The following UNC13B variants were observed in gnomAD, a reference collection of about 807,000 sequenced individuals.
UNC13B encodes the protein protein unc-13 homolog B.
In UNC13B, 144 loss-of-function variants were observed where a neutral mutation model predicts 211.0. The ratio of observed to expected loss-of-function variants is 0.68; its 90% CI spans 0.60 to 0.78. The LOEUF (loss-of-function observed/expected upper bound fraction) is 0.78. UNC13B is among the 30% of genes least tolerant of loss of function. The pLI, the probability that UNC13B is intolerant of heterozygous loss-of-function variation, is 0.00. For missense variants in UNC13B, 1,777 were observed against 2,002.0 expected, an observed-to-expected ratio of 0.89 and a Z score of 2.14; for synonymous variants, 709 against 725.8, an observed-to-expected ratio of 0.98 and a Z score of 0.37.
At chr9:35,308,743 A>G (rs879872321) in intron 9 of UNC13B, among the ~76,000 whole-genome samples, 2 of 152,204 alleles carry the variant, frequency 1.3e-5, no homozygotes, top group Non-Finnish European at 2.9e-5. Context: ...AAGAGGTAGT[A>G]AGTAGTTGGT....
chr9:35,383,123 A>AG (rs1834970899), intron 21 of UNC13B, among the ~76,000 whole-genome samples: 2 of 152,212 alleles, frequency 1.3e-5, no homozygotes, highest in South Asian at 4.1e-4. Flanking sequence ...CAGGTCCACA[A>AG]ATGGATTTTT....
chr9:35,403,198 C>A lies in UNC13B; in HGVS notation c.12516C>A (p.Val4172=). 1 of 1,614,170 alleles carries A rather than the reference C, an allele frequency of 6.2e-7. No individual in the cohort carries two copies. Among genetic ancestry groups the A allele is most frequent in the Non-Finnish European group, 8.5e-7 (1 of 1,180,000 alleles). ...GTGTGGACGATCCTGTGGGAGAAGT[C>A]TCTATTCAGGTGGACTTGTTTACAC... ...GSGVDDPVGE[V]SIQVDLFTHP... is the part of the protein sequence containing the mutation. The change falls in exon 38 of 40, where the codon GTC becomes GTA. Residue 4172 remains valine, a synonymous_variant. Transcript: ENST00000635942.
At chr9:35,292,296 C>T (rs992569002) in intron 7 of UNC13B, among the ~76,000 whole-genome samples, 1 of 152,066 alleles carries the variant, frequency 6.6e-6, no homozygotes, top group Non-Finnish European at 1.5e-5. Flanking sequence ...TTTGTTTGCC[C>T]CAGGTTAGAT....
intron 7 of UNC13B, among the ~76,000 whole-genome samples, chr9:35,270,600 C>T (rs1444194977): frequency 6.6e-6 from 1 of 151,638 alleles, no homozygotes; most frequent in Non-Finnish European, 1.5e-5. Flanking sequence ...TTTTTTTAAC[C>T]TTAGAATATA....
chr9:35,259,703 C>T (rs1269088138), intron 7 of UNC13B, among the ~76,000 whole-genome samples: 4 of 142,058 alleles, frequency 2.8e-5, no homozygotes, highest in Admixed American at 2.4e-4. Flanking sequence ...TCCCTCAAAA[C>T]AGCTTGAGAC....
At position 35,308,362 on chromosome 9, in the gene UNC13B, A is replaced by G. The variant is rs1449615875; in HGVS notation, c.8958A>G (p.Val2986=). 1.0e-5 allele frequency: 4 copies of G among 398,980 alleles called. No individual in the cohort carries two copies. The highest frequency in any genetic ancestry group is 1.8e-5 in the Non-Finnish European group (4 of 226,100). The allele number at this position is 398,980 out of a possible 1,614,324, so 24.7% of individuals were successfully genotyped here. The part of the protein sequence containing the change: ...VPASTDSDLN[V]QQPVTLNDIK... ...CCAGTACTGACTCTGATTTGAATGT[A>G]CAGCAGCCAGTCACTCTGAATGACA... Residue 2986 remains valine (V), a synonymous_variant, in exon 9 of 40, where the codon GTA becomes GTG. Transcript: ENST00000635942.
chr9:35,265,212 T>G (rs1234601470), intron 7 of UNC13B, among the ~76,000 whole-genome samples: 3 of 152,170 alleles, frequency 2.0e-5, no homozygotes, highest in Admixed American at 2.0e-4. Context: ...GTCCCCAGTT[T>G]GACTGTATTT....
chr9:35,192,790 T>A (rs571909364), intron 1 of UNC13B, among the ~76,000 whole-genome samples: 7 of 151,994 alleles, frequency 4.6e-5, no homozygotes, highest in African/African-American at 1.7e-4. Flanking sequence ...GTCAAAGGAG[T>A]CCTTGTGCTT....
chr9:35,293,362 G>C (rs190683082), intron 7 of UNC13B, among the ~76,000 whole-genome samples: 2 of 152,342 alleles, frequency 1.3e-5, no homozygotes, highest in Non-Finnish European at 2.9e-5. Context: ...GATTTGGGTT[G>C]TGGGCTTCTA....
At chr9:35,240,681 A>G (rs922309333) in intron 5 of UNC13B, among the ~76,000 whole-genome samples, 1 of 151,972 alleles carries the variant, frequency 6.6e-6, no homozygotes, top group Non-Finnish European at 1.5e-5. Context: ...TTACTTTTTG[A>G]CTGATTTCAC....
rs564241285 is a variant in UNC13B at position 35,367,736 on chromosome 9, G to T, written c.9461+743G>T. On this transcript the variant is annotated intron_variant, in intron 12 of 39. Coordinates refer to ENST00000635942, the MANE Select transcript of UNC13B (RefSeq NM_001371189.2). ...TAAGTAACACCCCTTTCTGAGCTCTGTATGTTCTGTCCGTGCTTCTTGTTT... is the reference window on the plus strand; with the variant it reads ...TAAGTAACACCCCTTTCTGAGCTCTTTATGTTCTGTCCGTGCTTCTTGTTT... Among the ~76,000 whole-genome samples the T allele has an allele frequency of 2.9e-4, 44 of 152,202 alleles. 1 individual carries two copies. The highest frequency in any genetic ancestry group is 1.4e-3 in the East Asian group (7 of 5,178).
At chr9:35,394,443 A>G (rs1835744169) in intron 26 of UNC13B, among the ~76,000 whole-genome samples, 1 of 152,144 alleles carries the variant, frequency 6.6e-6, no homozygotes, top group African/African-American at 2.4e-5. Context: ...TAAAAATACA[A>G]ACATTAGCCA....
intron 7 of UNC13B, among the ~76,000 whole-genome samples, chr9:35,294,657 A>G (rs1564118048): frequency 6.6e-6 from 1 of 152,332 alleles, no homozygotes; most frequent in East Asian, 1.9e-4. Flanking sequence ...TGCTAAAAGT[A>G]TCTCCATTTT....
At chr9:35,188,313 C>A (rs139328811) in intron 1 of UNC13B, among the ~76,000 whole-genome samples, 18 of 152,184 alleles carry the variant, frequency 1.2e-4, no homozygotes, top group African/African-American at 4.1e-4. Flanking sequence ...CAATTGTCTG[C>A]GAATGACAAA....
rs542020326 is a variant in UNC13B at position 35,282,815 on chromosome 9, AAT to A, written c.527-12880_527-12879del. On this transcript the variant is annotated intron_variant, in intron 7 of 39. Coordinates refer to ENST00000635942, the MANE Select transcript of UNC13B (RefSeq NM_001371189.2). ...TTCCTTACAATTTGTTTATTGAAGA[AAT>A]CAGGCCATTTGACTATATGGTTTTG... Among the ~76,000 whole-genome samples, 331 of 152,266 alleles carry A rather than the reference AAT, an allele frequency of 2.2e-3. 2 individuals are homozygous for A. The highest frequency in any genetic ancestry group is 7.6e-3 in the African/African-American group (314 of 41,552).
At chr9:35,184,969 A>C (rs571907976) in intron 1 of UNC13B, among the ~76,000 whole-genome samples, 6 of 152,260 alleles carry the variant, frequency 3.9e-5, no homozygotes, top group Admixed American at 3.3e-4. Context: ...AAAACAATAA[A>C]ATATTTTTTC....
intron 3 of UNC13B, among the ~76,000 whole-genome samples, chr9:35,235,481 G>A (rs1360936515): frequency 6.6e-6 from 1 of 151,640 alleles, no homozygotes; most frequent in African/African-American, 2.4e-5. Context: ...ATGGAGTCTG[G>A]CTCTGTCACT....
At chr9:35,226,077 T>C (rs1824823993) in intron 1 of UNC13B, among the ~76,000 whole-genome samples, 1 of 152,188 alleles carries the variant, frequency 6.6e-6, no homozygotes, top group Admixed American at 6.5e-5. Context: ...CTGCATACTG[T>C]AGAATGTTTA....
At chr9:35,367,876 C>T (rs900750014) in intron 12 of UNC13B, among the ~76,000 whole-genome samples, 2 of 152,200 alleles carry the variant, frequency 1.3e-5, no homozygotes, top group East Asian at 1.9e-4. Context: ...ATTCCCCACT[C>T]CTTCCCACAA....
Sources: allele counts gnomAD v4.1 joint callset (sites outside exome capture counted in the v4.1 genomes callset), GRCh38; gene constraint gnomAD v4.1.1; transcripts MANE v1.5; gene names NCBI Gene and HGNC (gene_info 2026-07-23, HGNC 2026-07-21).